ABCD4: variants seen among roughly 807,000 people sequenced by gnomAD.
The protein encoded by ABCD4 is ATP binding cassette subfamily D member 4.
A neutral mutation model predicts 86.3 loss-of-function variants in ABCD4; 53 were observed. The ratio of observed to expected loss-of-function variants is 0.61; its 90% CI spans 0.49 to 0.77. The LOEUF (loss-of-function observed/expected upper bound fraction) is 0.77. Among genes scored for constraint, ABCD4 ranks in the 30% least tolerant of loss-of-function variants. The probability of loss-of-function intolerance (pLI) is 0.00; values close to 1 mark genes in which losing one functional copy is unlikely to be tolerated. For synonymous variants in ABCD4, 328 were observed against 313.6 expected, an observed-to-expected ratio of 1.05 and a Z score of -0.49; for missense variants, 757 against 764.5, an observed-to-expected ratio of 0.99 and a Z score of 0.12.
In ABCD4 at chr14:74,285,326, C is replaced by T. The variant is rs987092303; in HGVS notation, c.*1135G>A. 6.6e-6 allele frequency: 1 copy of T among 152,078 alleles called. No homozygotes were observed. The highest frequency in any genetic ancestry group is 1.5e-5 in the Non-Finnish European group (1 of 68,020). The allele number at this position is 152,078 out of a possible 1,614,324, so 9.4% of individuals were successfully genotyped here. On this transcript the variant is annotated 3_prime_UTR_variant, in exon 19 of 19. Transcript: ENST00000356924. ...GAAAAATCTCAGTTGAGTGCCAGTCCGTCTAACTCCTCACCTCTCTTTTTT... is the reference window on the plus strand; with the variant it reads ...GAAAAATCTCAGTTGAGTGCCAGTCTGTCTAACTCCTCACCTCTCTTTTTT...
At position 74,288,204 on chromosome 14, in the gene ABCD4, T is replaced by C; in HGVS notation, c.1559+3A>G. On this transcript the variant is annotated splice_donor_region_variant and intron_variant, in intron 16 of 18. Transcript: ENST00000356924. ...CTCTGGAGCACCCAAGCTCTTTTCT[T>C]ACCAGTTCCAGTCCACCTGCTGGTC... 6.2e-7 allele frequency: 1 copy of C among 1,612,314 alleles called. No homozygotes were observed. The highest frequency in any genetic ancestry group is 8.5e-7 in the Non-Finnish European group (1 of 1,179,334).
chr14:74,295,800 C>G (rs926041069), intron 6 of ABCD4, 54 bp downstream of exon 6: 3 of 1,605,642 alleles, frequency 1.9e-6, no homozygotes, highest in Non-Finnish European at 1.7e-6. Context: ...ACTCCAGATC[C>G]CCTTCCTTAA....
chr14:74,297,949 G>A lies in ABCD4; in HGVS notation c.406C>T (p.Arg136Trp), dbSNP rs145141432. Residue 136 changes from arginine (R) to tryptophan (W), a missense_variant, in exon 4 of 19, where the codon CGG becomes TGG. Arg to Trp is a moderately radical substitution (Grantham distance 101, BLOSUM62 -3). Transcript: ENST00000356924. ...GCCTACGGGTTATCGATGTCATCCCGCAGCACGTTGAGGGTGTAGTACGCA... is the reference window on the plus strand; with the variant it reads ...GCCTACGGGTTATCGATGTCATCCCACAGCACGTTGAGGGTGTAGTACGCA... The part of the protein sequence containing the change: ...GRAYYTLNVL[R>W]DDIDNPDQRI... The A allele has an allele frequency of 8.7e-5, 141 of 1,613,398 alleles. 1 individual carries two copies. In the African/African-American group the frequency reaches 1.5e-3, roughly 17 times the overall value.
chr14:74,291,662 G>GT (rs1405058238), intron 11 of ABCD4, among the ~76,000 whole-genome samples: 1 of 152,162 alleles, frequency 6.6e-6, no homozygotes, highest in Non-Finnish European at 1.5e-5. Context: ...AACAGTTAAG[G>GT]TATTAGCTCC....
chr14:74,300,510 T>C (rs571208845), intron 1 of ABCD4, among the ~76,000 whole-genome samples: 3 of 149,976 alleles, frequency 2.0e-5, no homozygotes, highest in South Asian at 4.2e-4. Flanking sequence ...GAGAATTGCT[T>C]GGACCTGGGA....
rs147795328 is a variant in ABCD4 at position 74,292,363 on chromosome 14, G to A, written c.1042C>T (p.Arg348Trp). ...AGYTHRIGQL[R>W]ETLLDMSLKS... ...AGGGACATGTCCAGAAGCGTCTCCC[G>A]AAGCTGCCCAATTCTGAACAAGAAA... Residue 348 changes from arginine (R) to tryptophan (W), a missense_variant, in exon 11 of 19, where the codon CGG (arginine) becomes TGG (tryptophan). Transcript: ENST00000356924. The A allele has an allele frequency of 1.4e-3, 2,234 of 1,614,070 alleles. 37 individuals carry two copies. The South Asian group carries it at 0.017, about 13-fold the overall frequency.
At chr14:74,288,045 G>T in intron 16 of ABCD4, 159 bp from the exon 17 acceptor site, 2 of 1,047,886 alleles carry the variant, frequency 1.9e-6, no homozygotes, top group Non-Finnish European at 2.8e-6. Flanking sequence ...CCCTCACAGA[G>T]TGAGGCAAAA....
intron 6 of ABCD4, 152 bp downstream of exon 6, chr14:74,295,702 G>T: frequency 3.1e-6 from 3 of 982,570 alleles, no homozygotes; most frequent in East Asian, 2.6e-5. Context: ...TTAGAGACAA[G>T]AACATTGAAG....
At chr14:74,297,417 T>C (rs1238193616) in intron 4 of ABCD4, 2 of 152,090 alleles carry the variant, frequency 1.3e-5, no homozygotes, top group African/African-American at 4.8e-5. Flanking sequence ...TAGTGGTAAT[T>C]TTTTTTACTG....
chr14:74,289,981 G>C (rs1168033577), intron 13 of ABCD4, 46 bp downstream of exon 13: 1 of 1,613,058 alleles, frequency 6.2e-7, no homozygotes, highest in East Asian at 2.2e-5. Context: ...AGCTGTGGGT[G>C]GGCGGGGTTG....
At chr14:74,295,241 C>A (rs2082550839) in intron 6 of ABCD4, 43 bp from the exon 7 acceptor site, 1 of 1,610,112 alleles carries the variant, frequency 6.2e-7, no homozygotes, top group East Asian at 2.2e-5. Flanking sequence ...ACAGGGAGTA[C>A]TGGCCTCACT....
chr14:74,294,889 A>G, intron 7 of ABCD4: 1 of 524,236 alleles, frequency 1.9e-6, no homozygotes, highest in Non-Finnish European at 3.4e-6. Flanking sequence ...GCATTCATTC[A>G]TTTGACAATT....
Position 74,293,208 on chromosome 14 carries a change from G to GGGA in ABCD4, c.759_760insTCC (p.Leu253_Gln254insSer), listed in dbSNP as rs1400716417. The GGGA allele has an allele frequency of 1.2e-6, 2 of 1,614,054 alleles. No individual in the cohort carries two copies. The highest frequency in any genetic ancestry group is 2.7e-5 in the African/African-American group (2 of 74,932). On this transcript the variant is annotated inframe_insertion, in exon 8 of 19. Transcript: ENST00000356924. ...TCCCTCTGGGTCTGAAGGAGTCTCT[G>GGGA]CAGCCTGCGGTCTGTCCTCATGTGC...
At position 74,298,777 on chromosome 14, in the gene ABCD4, G is replaced by A. The variant is rs1009144002; in HGVS notation, c.286-708C>T. ...GACCCAACAAAAGTGGCCATGGTAC[G>A]ATGAGCAGTGGCTTCCCCAAGAAAA... is the stretch of plus-strand genomic sequence containing the variant. On this transcript the variant is annotated intron_variant, in intron 3 of 18. Coordinates refer to ENST00000356924, the MANE Select transcript of ABCD4 (RefSeq NM_005050.4). Among the ~76,000 whole-genome samples the A allele has an allele frequency of 8.5e-5, 13 of 152,316 alleles. No individual in the cohort carries two copies. The East Asian group carries it at 1.5e-3, about 18-fold the overall frequency.
At chr14:74,287,767 G>A (rs374194488) in intron 17 of ABCD4, 43 bp downstream of exon 17, 685 of 1,552,884 alleles carry the variant, frequency 4.4e-4, no homozygotes, top group Non-Finnish European at 5.7e-4. Flanking sequence ...ACCCGTGAGT[G>A]CAGACAGCGC....
rs2082698658 is a variant in ABCD4, at chr14:74,295,812, T to C, written c.668+42A>G. The C allele has an allele frequency of 4.4e-6, 7 of 1,608,624 alleles. No individual in the cohort carries two copies. In the East Asian group the frequency reaches 1.6e-4, roughly 36 times the overall value. On this transcript the variant is annotated intron_variant, in intron 6 of 18. Transcript: ENST00000356924. ...TTTACTCCAGATCCCCTTCCTTAAC[T>C]ATTATGCCCCAGCCCAGAAACCTCA...
rs745884973 is a variant in ABCD4, at chr14:74,292,919, C to T, written c.815-50G>A. On this transcript the variant is annotated intron_variant, in intron 8 of 18. Coordinates refer to ENST00000356924, the MANE Select transcript of ABCD4 (RefSeq NM_005050.4). ...ACCCAGGAACCATCCACATGCCCTACAGCGGACACAACCCTAAGACAGGGA... is the reference window on the plus strand; with the variant it reads ...ACCCAGGAACCATCCACATGCCCTATAGCGGACACAACCCTAAGACAGGGA... 7 of 1,611,994 alleles carry T rather than the reference C, an allele frequency of 4.3e-6. No homozygotes were observed. The South Asian group carries it at 6.6e-5, about 15-fold the overall frequency.
chr14:74,288,041 C>T (rs2080311875), intron 16 of ABCD4, 155 bp from the exon 17 acceptor site: 1 of 1,039,912 alleles, frequency 9.6e-7, no homozygotes, highest in Non-Finnish European at 1.4e-6. Context: ...ACAGCCCTCA[C>T]AGAGTGAGGC....
intron 11 of ABCD4, among the ~76,000 whole-genome samples, chr14:74,291,590 C>G (rs1313210048): frequency 2.6e-5 from 4 of 152,202 alleles, no homozygotes; most frequent in African/African-American, 9.7e-5. Flanking sequence ...TTCCTACAGA[C>G]CCTCCTTCAT....
Sources: allele counts gnomAD v4.1 joint callset (sites outside exome capture counted in the v4.1 genomes callset), GRCh38; gene constraint gnomAD v4.1.1; transcripts MANE v1.5; gene names NCBI Gene and HGNC (gene_info 2026-07-23, HGNC 2026-07-21).